ITPR2: variants seen among roughly 807,000 people sequenced by gnomAD.
The protein encoded by ITPR2 is inositol 1,4,5-trisphosphate-gated calcium channel ITPR2.
Under a neutral mutation model 317.1 loss-of-function variants are expected in ITPR2, and 207 were observed. The ratio of observed to expected loss-of-function variants is 0.65; its 90% CI spans 0.58 to 0.73. The LOEUF is 0.73. Among genes scored for constraint, ITPR2 ranks in the 30% least tolerant of loss-of-function variants. The pLI, the probability that ITPR2 is intolerant of heterozygous loss-of-function variation, is 0.00. For missense variants in ITPR2, 2,613 were observed against 3,284.0 expected (o/e 0.80, Z 4.99); for synonymous variants, 1,156 against 1,149.1 (o/e 1.01, Z -0.12).
rs1937998546 is a variant in ITPR2, at chr12:26,338,569, TATATTTTAATAGCATAC to T, written c.*811_*827del. On this transcript the variant is annotated 3_prime_UTR_variant, in exon 57 of 57. Transcript: ENST00000381340. Reference sequence around the variant, plus strand: ...AAGCATTTTCATGTATTAATCTCAATATATTTTAATAGCATACATATGGTCTCAAAAAACCCTTTCCT... The same window carrying T: ...AAGCATTTTCATGTATTAATCTCAATATATGGTCTCAAAAAACCCTTTCCT... 6.6e-6 allele frequency: 1 copy of T among 152,366 alleles called. No homozygotes were observed. Among genetic ancestry groups the T allele is most frequent in the Admixed American group, 6.5e-5 (1 of 15,292 alleles). The allele number at this position is 152,366 out of a possible 1,614,324, so 9.4% of individuals were successfully genotyped here.
At chr12:26,439,044 A>T in intron 47 of ITPR2, 83 bp downstream of exon 47, 1 of 829,876 alleles carries the variant, frequency 1.2e-6, no homozygotes, top group Non-Finnish European at 1.9e-6. Context: ...AAAACAATTT[A>T]AATGAGCTGC....
chr12:26,679,352 T>G (rs1947982054), intron 13 of ITPR2, among the ~76,000 whole-genome samples: 1 of 152,196 alleles, frequency 6.6e-6, no homozygotes, highest in Non-Finnish European at 1.5e-5. Flanking sequence ...CAAACTTGGA[T>G]TTTTTGTTCT....
intron 2 of ITPR2, among the ~76,000 whole-genome samples, chr12:26,772,424 T>TATATATAATACATGTATTATATATATA (rs1491381752): frequency 6.7e-5 from 4 of 59,972 alleles, no homozygotes; most frequent in African/African-American, 1.5e-4. Context: ...TTATATATAT[T>TATATATAATACATGTATTATATATATA]ATATATAATA....
At chr12:26,735,971 A>G (rs1949112983) in intron 2 of ITPR2, among the ~76,000 whole-genome samples, 1 of 152,226 alleles carries the variant, frequency 6.6e-6, no homozygotes, top group African/African-American at 2.4e-5. Flanking sequence ...TCTATCAGAT[A>G]GTGCTTCCTA....
At chr12:26,760,542 A>G (rs1198348436) in intron 2 of ITPR2, among the ~76,000 whole-genome samples, 1 of 152,200 alleles carries the variant, frequency 6.6e-6, no homozygotes, top group Admixed American at 6.5e-5. Flanking sequence ...CTTAATGCCA[A>G]AACTGTGTGT....
At chr12:26,354,639 G>A (rs1250843548) in intron 55 of ITPR2, among the ~76,000 whole-genome samples, 1 of 152,104 alleles carries the variant, frequency 6.6e-6, no homozygotes, top group African/African-American at 2.4e-5. Context: ...ATTCTACCCA[G>A]CAAGAGGAAG....
chr12:26,714,314 C>T (rs1387687170), intron 8 of ITPR2, among the ~76,000 whole-genome samples: 1 of 152,142 alleles, frequency 6.6e-6, no homozygotes, highest in Non-Finnish European at 1.5e-5. Flanking sequence ...CAAGGGCCCA[C>T]ATTTACCTTT....
At chr12:26,755,148 A>C (rs1253480082) in intron 2 of ITPR2, among the ~76,000 whole-genome samples, 1 of 152,226 alleles carries the variant, frequency 6.6e-6, no homozygotes, top group Non-Finnish European at 1.5e-5. Context: ...ATTGTTACAT[A>C]AAATCATTGT....
At chr12:26,655,357 G>A (rs528528267) in intron 20 of ITPR2, among the ~76,000 whole-genome samples, 2 of 152,258 alleles carry the variant, frequency 1.3e-5, no homozygotes, top group South Asian at 2.1e-4. Flanking sequence ...GCTCACACCT[G>A]TAATCCCAGC....
At chr12:26,394,481 G>A (rs1229523221) in intron 54 of ITPR2, among the ~76,000 whole-genome samples, 1 of 152,170 alleles carries the variant, frequency 6.6e-6, no homozygotes, top group Non-Finnish European at 1.5e-5. Flanking sequence ...CATTCCAAAT[G>A]AAATTGTTCT....
intron 37 of ITPR2, among the ~76,000 whole-genome samples, chr12:26,501,210 C>T (rs992600104): frequency 2.0e-5 from 3 of 152,142 alleles, no homozygotes; most frequent in African/African-American, 7.2e-5. Flanking sequence ...TAACATTAAA[C>T]TTGGTATTAG....
At chr12:26,494,795 A>AAAAAAATT (rs1942895823) in intron 38 of ITPR2, among the ~76,000 whole-genome samples, 1 of 148,068 alleles carries the variant, frequency 6.8e-6, no homozygotes, top group Non-Finnish European at 1.5e-5. Context: ...AAAAAAAAAA[A>AAAAAAATT]GCTTGAGTTT....
intron 34 of ITPR2, among the ~76,000 whole-genome samples, chr12:26,574,848 CG>C (rs2137062474): frequency 6.6e-6 from 1 of 151,866 alleles, no homozygotes; most frequent in South Asian, 2.1e-4. Context: ...CCAGATCTCA[CG>C]GGAACTCACC....
intron 21 of ITPR2, among the ~76,000 whole-genome samples, chr12:26,634,227 A>G (rs997595503): frequency 2.6e-5 from 4 of 152,216 alleles, no homozygotes; most frequent in African/African-American, 9.7e-5. Flanking sequence ...ATTGTGAACC[A>G]TTACAGCTTG....
rs796128691 is a variant in ITPR2 at position 26,692,791 on chromosome 12, C to CA, written c.996+2814dup. 5.1e-3 allele frequency among the ~76,000 whole-genome samples: 751 copies of CA among 147,206 alleles called. 9 individuals carry two copies. Among genetic ancestry groups the CA allele is most frequent in the African/African-American group, 0.017 (675 of 40,334 alleles). On this transcript the variant is annotated intron_variant, in intron 10 of 56. Coordinates refer to ENST00000381340, the MANE Select transcript of ITPR2 (RefSeq NM_002223.4). ...CATTTTGATAAATGTTTCTAAATTA[C>CA]AAAAAAAAAATATTAACTGGGCATT... is the stretch of plus-strand genomic sequence containing the variant.
At chr12:26,782,523 T>A (rs1950116212) in intron 2 of ITPR2, among the ~76,000 whole-genome samples, 3 of 152,164 alleles carry the variant, frequency 2.0e-5, no homozygotes, top group South Asian at 2.1e-4. Flanking sequence ...GACTAACAGG[T>A]AGAATTTATA....
intron 37 of ITPR2, among the ~76,000 whole-genome samples, chr12:26,528,189 C>T (rs181265461): frequency 6.6e-6 from 1 of 152,272 alleles, no homozygotes; most frequent in East Asian, 1.9e-4. Flanking sequence ...CAGTTATGAA[C>T]CTGACATTCT....
chr12:26,562,694 T>A (rs895025188), intron 34 of ITPR2, among the ~76,000 whole-genome samples: 2 of 151,318 alleles, frequency 1.3e-5, no homozygotes, highest in Admixed American at 1.3e-4. Context: ...GGGCAACTCA[T>A]TAAAGAATAA....
At chr12:26,568,821 G>C (rs1945078766) in intron 34 of ITPR2, among the ~76,000 whole-genome samples, 1 of 152,168 alleles carries the variant, frequency 6.6e-6, no homozygotes, top group African/African-American at 2.4e-5. Context: ...AAAGGACCCA[G>C]AATAAATCTG....
Sources: gnomAD v4.1 joint callset for allele counts (sites outside exome capture counted in the v4.1 genomes callset) on GRCh38, gnomAD v4.1.1 for gene constraint, MANE v1.5 for transcripts, NCBI Gene and HGNC (gene_info 2026-07-23, HGNC 2026-07-21) for gene names.